NEK7: variants seen among roughly 807,000 people sequenced by gnomAD.
The protein encoded by NEK7 is serine/threonine-protein kinase Nek7.
In NEK7, 18 loss-of-function variants were observed where a neutral mutation model predicts 44.6. The observed-to-expected ratio is 0.40, with a 90% confidence interval of 0.28 to 0.60. NEK7 has a LOEUF of 0.60. NEK7 is among the 20% of genes least tolerant of loss of function. The pLI is 0.38. For missense variants in NEK7, 256 were observed against 366.5 expected (o/e 0.70, Z 2.46); for synonymous variants, 130 against 121.1 (o/e 1.07, Z -0.48).
intron 5 of NEK7, among the ~76,000 whole-genome samples, chr1:198,270,089 G>T (rs1289878744): frequency 6.6e-6 from 1 of 151,906 alleles, no homozygotes. Context: ...ATTTGGTGAT[G>T]AAGACCCAGT....
intron 1 of NEK7, among the ~76,000 whole-genome samples, chr1:198,166,465 A>G (rs542087715): frequency 1.3e-5 from 2 of 152,162 alleles, no homozygotes; most frequent in Non-Finnish European, 2.9e-5. Flanking sequence ...TGCCTTTCTC[A>G]CTAAGCTTAA....
At chr1:198,233,368 G>A (rs572870173) in intron 2 of NEK7, among the ~76,000 whole-genome samples, 4 of 152,218 alleles carry the variant, frequency 2.6e-5, no homozygotes, top group Admixed American at 6.5e-5. Flanking sequence ...TTGTCATAAA[G>A]CTAACGTGTA....
intron 5 of NEK7, among the ~76,000 whole-genome samples, chr1:198,266,378 A>G (rs1208150415): frequency 6.6e-6 from 1 of 151,974 alleles, no homozygotes; most frequent in Non-Finnish European, 1.5e-5. Context: ...ATAGCTCTAG[A>G]TTTTATTTTT....
chr1:198,199,922 ATATATT>A (rs1173003525), intron 1 of NEK7, among the ~76,000 whole-genome samples: 1 of 152,090 alleles, frequency 6.6e-6, no homozygotes, highest in African/African-American at 2.4e-5. Context: ...TGTCATACTA[ATATATT>A]TAGATTTAAA....
intron 1 of NEK7, among the ~76,000 whole-genome samples, chr1:198,183,204 T>G (rs1664817481): frequency 1.3e-5 from 2 of 152,324 alleles, no homozygotes; most frequent in African/African-American, 4.8e-5. Context: ...GTTACATTGG[T>G]AGCCTGAAAC....
intron 1 of NEK7, among the ~76,000 whole-genome samples, chr1:198,212,492 A>G (rs1665803928): frequency 6.6e-6 from 1 of 152,180 alleles, no homozygotes. Context: ...TTTGTGCAGT[A>G]GAGGCAGCTG....
At chr1:198,171,801 A>G (rs1358647573) in intron 1 of NEK7, among the ~76,000 whole-genome samples, 1 of 152,092 alleles carries the variant, frequency 6.6e-6, no homozygotes, top group East Asian at 1.9e-4. Context: ...TGAGTCTGGA[A>G]TGTCCCACCT....
chr1:198,231,449 AAAAC>A, intron 1 of NEK7, among the ~76,000 whole-genome samples: 1 of 150,800 alleles, frequency 6.6e-6, no homozygotes, highest in East Asian at 1.9e-4. Flanking sequence ...TCCATAAAGA[AAAAC>A]AAAGATTGAC....
At position 198,217,551 on chromosome 1, in the gene NEK7, AT is replaced by A. The variant is rs540763576; in HGVS notation, c.-28-14999del. Among the ~76,000 whole-genome samples, 36 of 152,244 alleles carry A rather than the reference AT, an allele frequency of 2.4e-4. No individual in the cohort carries two copies. The East Asian group carries it at 6.8e-3, about 29-fold the overall frequency. Reference sequence around the variant, plus strand: ...CAAGATAGGAATGCCTACTTTCACCATTTCTATTCAACATAGTACTTGAAGA... The same window carrying A: ...CAAGATAGGAATGCCTACTTTCACCATTCTATTCAACATAGTACTTGAAGA... On this transcript the variant is annotated intron_variant, in intron 1 of 9. Coordinates refer to ENST00000367385, the MANE Select transcript of NEK7 (RefSeq NM_133494.3).
chr1:198,248,358 T>G (rs1002125251), intron 2 of NEK7, among the ~76,000 whole-genome samples: 1 of 152,176 alleles, frequency 6.6e-6, no homozygotes, highest in Non-Finnish European at 1.5e-5. Context: ...AATAAGTCCA[T>G]GAACAAAAAG....
chr1:198,241,927 ATTG>A (rs1384044279), intron 2 of NEK7, among the ~76,000 whole-genome samples: 3 of 152,032 alleles, frequency 2.0e-5, no homozygotes, highest in African/African-American at 4.8e-5. Context: ...TTCTCTACCC[ATTG>A]TTTTCTTCCA....
chr1:198,283,300 T>G (rs1275420302), intron 7 of NEK7, among the ~76,000 whole-genome samples: 2 of 152,188 alleles, frequency 1.3e-5, no homozygotes, highest in Non-Finnish European at 2.9e-5. Context: ...CCCAGGGTAG[T>G]CTCCTATCTT....
chr1:198,200,555 T>C (rs1485578292), intron 1 of NEK7, among the ~76,000 whole-genome samples: 2 of 150,158 alleles, frequency 1.3e-5, no homozygotes, highest in Admixed American at 6.6e-5. Context: ...TTTCTTTCTT[T>C]TTTTTTTTTT....
At chr1:198,210,928 A>G (rs938177354) in intron 1 of NEK7, among the ~76,000 whole-genome samples, 2 of 150,676 alleles carry the variant, frequency 1.3e-5, no homozygotes, top group Admixed American at 6.6e-5. Context: ...AATTTTTTGT[A>G]TTTTTAGTAG....
intron 1 of NEK7, among the ~76,000 whole-genome samples, chr1:198,162,870 T>TG (rs1164842634): frequency 1.3e-5 from 2 of 152,008 alleles, no homozygotes; most frequent in Non-Finnish European, 2.9e-5. Context: ...ACAAGAGGCT[T>TG]GGGGGGTTAT....
chr1:198,272,590 A>G (rs928533584), intron 5 of NEK7, among the ~76,000 whole-genome samples: 1 of 151,784 alleles, frequency 6.6e-6, no homozygotes, highest in African/African-American at 2.4e-5. Context: ...GTGACCTTCT[A>G]TTTCTCCTCG....
At chr1:198,178,990 ACC>A (rs147339253) in intron 1 of NEK7, among the ~76,000 whole-genome samples, 12 of 145,028 alleles carry the variant, frequency 8.3e-5, no homozygotes, top group African/African-American at 2.5e-4. Flanking sequence ...ACCATTTGAT[ACC>A]CCCCCCCTTT....
chr1:198,165,981 C>T (rs574812271), intron 1 of NEK7, among the ~76,000 whole-genome samples: 19 of 152,228 alleles, frequency 1.2e-4, no homozygotes, highest in Non-Finnish European at 2.6e-4. Flanking sequence ...TGACATATTT[C>T]CTTGGACTTC....
At chr1:198,276,787 T>A (rs961316168) in intron 5 of NEK7, among the ~76,000 whole-genome samples, 1 of 151,762 alleles carries the variant, frequency 6.6e-6, no homozygotes, top group South Asian at 2.1e-4. Flanking sequence ...TGAGTACATA[T>A]GAGACAGTAG....
Sources: gnomAD v4.1 joint callset for allele counts (sites outside exome capture counted in the v4.1 genomes callset) on GRCh38, gnomAD v4.1.1 for gene constraint, MANE v1.5 for transcripts, NCBI Gene and HGNC (gene_info 2026-07-23, HGNC 2026-07-21) for gene names.